The following XIRP2 variants were observed in gnomAD, a reference collection of about 807,000 sequenced individuals.
XIRP2 encodes the protein xin actin-binding repeat-containing protein 2.
Under a neutral mutation model 277.0 loss-of-function variants are expected in XIRP2, and 236 were observed. That is an observed-to-expected ratio of 0.85 (90% CI 0.77 to 0.95). XIRP2 has a LOEUF of 0.95. Among genes scored for constraint, XIRP2 ranks in the 40% least tolerant of loss-of-function variants. The pLI is 0.00. For synonymous variants in XIRP2, 1,490 were observed against 1,416.5 expected (o/e 1.05, Z -1.17); for missense variants, 4,640 against 4,157.5 (o/e 1.12, Z -3.19).
rs1559045836 is a variant in XIRP2 at position 167,251,375 on chromosome 2, A to T, written c.9983A>T (p.Asp3328Val). The T allele has an allele frequency of 6.2e-7, 1 of 1,613,584 alleles. No individual in the cohort carries two copies. The highest frequency in any genetic ancestry group is 2.2e-5 in the East Asian group (1 of 44,828). The stretch of plus-strand genomic sequence containing the variant: ...CAAATGGCTGAAAATTTCGTGAATG[A>T]CCCTGAAAATGAAATAAACAGATGG... ...TVQMAENFVN[D>V]PENEINRWFR... The change falls in exon 9 of 11, where the codon GAC becomes GTC. Residue 3328 changes from aspartate to valine, a missense_variant. Coordinates refer to ENST00000409195, the MANE Select transcript of XIRP2 (RefSeq NM_152381.6).
At chr2:166,994,716 A>T (rs1490790264) in intron 2 of XIRP2, among the ~76,000 whole-genome samples, 1 of 151,304 alleles carries the variant, frequency 6.6e-6, no homozygotes, top group Non-Finnish European at 1.5e-5. Flanking sequence ...TAAAAATTTG[A>T]GTAAGATCTA....
At chr2:167,026,228 T>C (rs147113396) in intron 2 of XIRP2, among the ~76,000 whole-genome samples, 14,912 of 152,162 alleles carry the variant, frequency 0.098, 1,212 homozygotes, top group East Asian at 0.38. Context: ...TTTGTCTCTT[T>C]TGAGCTTTGT....
At position 167,243,498 on chromosome 2, in the gene XIRP2, T is replaced by A. The variant is rs746389387; in HGVS notation, c.2106T>A (p.Asp702Glu). The change falls in exon 9 of 11, where the codon GAT (aspartate) becomes GAA (glutamate). Residue 702 changes from aspartate to glutamate, a missense_variant. Transcript: ENST00000409195. ...ACATGTTTGAAACTCAACATCTAGATCAACTTGGACAGCTTCATTCAGTGG... is the reference window on the plus strand; with the variant it reads ...ACATGTTTGAAACTCAACATCTAGAACAACTTGGACAGCTTCATTCAGTGG... ...VRYMFETQHL[D>E]QLGQLHSVDE... 6.2e-7 allele frequency: 1 copy of A among 1,614,034 alleles called. No individual in the cohort carries two copies. The highest frequency in any genetic ancestry group is 1.7e-5 in the Admixed American group (1 of 60,002).
chr2:167,109,558 G>A (rs1690697892), intron 2 of XIRP2, among the ~76,000 whole-genome samples: 1 of 152,220 alleles, frequency 6.6e-6, no homozygotes, highest in African/African-American at 2.4e-5. Context: ...TGGGATTACA[G>A]GCATGAGCCA....
At chr2:167,065,158 A>G (rs961028532) in intron 2 of XIRP2, among the ~76,000 whole-genome samples, 4 of 151,898 alleles carry the variant, frequency 2.6e-5, no homozygotes, top group Admixed American at 1.3e-4. Flanking sequence ...ATCCTTGTCA[A>G]TACTTGTTAT....
chr2:167,127,330 G>A (rs1220629224), intron 2 of XIRP2, among the ~76,000 whole-genome samples: 1 of 152,160 alleles, frequency 6.6e-6, no homozygotes, highest in Admixed American at 6.6e-5. Flanking sequence ...TCCAGCAGAT[G>A]GCAGTAACAT....
At chr2:166,980,806 G>T (rs1686844365) in intron 2 of XIRP2, among the ~76,000 whole-genome samples, 1 of 151,942 alleles carries the variant, frequency 6.6e-6, no homozygotes, top group Non-Finnish European at 1.5e-5. Context: ...TTTTCTATTT[G>T]TCTCATTTTT....
intron 2 of XIRP2, among the ~76,000 whole-genome samples, chr2:166,935,745 T>A (rs1197064871): frequency 6.6e-6 from 1 of 152,222 alleles, no homozygotes; most frequent in East Asian, 1.9e-4. Flanking sequence ...CATGAACTCA[T>A]CCTTTTTTGT....
At chr2:167,010,974 G>A (rs1220776827) in intron 2 of XIRP2, among the ~76,000 whole-genome samples, 2 of 152,118 alleles carry the variant, frequency 1.3e-5, no homozygotes, top group African/African-American at 4.8e-5. Flanking sequence ...ATTTTGGGCT[G>A]ACACAATGGG....
chr2:167,062,219 A>T (rs1414108630), intron 2 of XIRP2, among the ~76,000 whole-genome samples: 2 of 152,208 alleles, frequency 1.3e-5, no homozygotes, highest in African/African-American at 4.8e-5. Context: ...ATAGCTGGAT[A>T]GAATTCTGCC....
At chr2:167,231,655 A>G (rs1007415695) in intron 5 of XIRP2, among the ~76,000 whole-genome samples, 1 of 151,844 alleles carries the variant, frequency 6.6e-6, no homozygotes, top group Non-Finnish European at 1.5e-5. Context: ...TGCAAATACC[A>G]TACACTCACT....
intron 4 of XIRP2, among the ~76,000 whole-genome samples, chr2:167,215,173 T>A (rs1423934280): frequency 1.3e-5 from 2 of 152,192 alleles, no homozygotes; most frequent in Non-Finnish European, 2.9e-5. Context: ...GTGGCCTTAA[T>A]TCACCCTTCC....
chr2:167,041,612 C>T (rs903560611), intron 2 of XIRP2, among the ~76,000 whole-genome samples: 1 of 151,962 alleles, frequency 6.6e-6, no homozygotes, highest in African/African-American at 2.4e-5. Context: ...TCTACTCAGT[C>T]AGACAAAAAT....
intron 5 of XIRP2, 100 bp from the exon 6 acceptor site, chr2:167,239,755 C>T: frequency 2.0e-6 from 2 of 994,572 alleles, no homozygotes; most frequent in South Asian, 3.1e-5. Context: ...ACTAAAGAAT[C>T]TCATTTTTTT....
chr2:167,070,475 G>A (rs1689409654), intron 2 of XIRP2, among the ~76,000 whole-genome samples: 1 of 151,976 alleles, frequency 6.6e-6, no homozygotes. Flanking sequence ...AGAAAATCCT[G>A]TATCTATATG....
intron 3 of XIRP2, among the ~76,000 whole-genome samples, chr2:167,173,284 A>G (rs1435329118): frequency 6.6e-6 from 1 of 150,994 alleles, no homozygotes; most frequent in Non-Finnish European, 1.5e-5. Context: ...ACACCACACT[A>G]TGCTTCTCAG....
At chr2:166,951,903 T>C (rs1263331084) in intron 2 of XIRP2, among the ~76,000 whole-genome samples, 1 of 152,054 alleles carries the variant, frequency 6.6e-6, no homozygotes, top group Admixed American at 6.6e-5. Context: ...CCTGAGCCTC[T>C]GCGTCTCCTA....
chr2:166,943,338 G>A (rs529224186), intron 2 of XIRP2, among the ~76,000 whole-genome samples: 4 of 152,278 alleles, frequency 2.6e-5, no homozygotes, highest in Non-Finnish European at 1.5e-5. Flanking sequence ...ATTGAAAGGT[G>A]AAACACTTTT....
At chr2:167,234,713 T>G (rs996646623) in intron 5 of XIRP2, among the ~76,000 whole-genome samples, 2 of 151,956 alleles carry the variant, frequency 1.3e-5, no homozygotes, top group South Asian at 2.1e-4. Flanking sequence ...GAGCCTTTAC[T>G]TCTGAGCATA....
Sources: gnomAD v4.1 joint callset for allele counts (sites outside exome capture counted in the v4.1 genomes callset) on GRCh38, gnomAD v4.1.1 for gene constraint, MANE v1.5 for transcripts, NCBI Gene and HGNC (gene_info 2026-07-23, HGNC 2026-07-21) for gene names.